PHF2: variants seen among roughly 807,000 people sequenced by gnomAD.
The protein encoded by PHF2 is PHD finger protein 2, also known as lysine-specific demethylase PHF2.
A neutral mutation model predicts 120.5 loss-of-function variants in PHF2; 27 were observed. The ratio of observed to expected loss-of-function variants is 0.22; its 90% confidence interval spans 0.17 to 0.31. The LOEUF is 0.31. Among genes scored for constraint, PHF2 ranks in the 10% least tolerant of loss-of-function variants. The probability of loss-of-function intolerance (pLI) is 1.00; values close to 1 mark genes in which losing one functional copy is unlikely to be tolerated. For synonymous variants in PHF2, 568 were observed against 592.5 expected (o/e 0.96, Z 0.60); for missense variants, 1,024 against 1,434.8 (o/e 0.71, Z 4.63).
chr9:93,666,147 C>G (rs1826676511), intron 16 of PHF2, 87 bp downstream of exon 16: 2 of 1,395,976 alleles, frequency 1.4e-6, no homozygotes, highest in Non-Finnish European at 2.0e-6. Context: ...CCAGGGCGGT[C>G]TCTGGGGGTG....
At chr9:93,592,611 T>C (rs1415701293) in intron 1 of PHF2, among the ~76,000 whole-genome samples, 4 of 152,176 alleles carry the variant, frequency 2.6e-5, no homozygotes, top group Non-Finnish European at 5.9e-5. Flanking sequence ...CAGAGGCTCT[T>C]TCCCGAGCCA....
rs187969374 is a variant in PHF2 at position 93,669,951 on chromosome 9, C to G, written c.2348+2711C>G. On this transcript the variant is annotated intron_variant, in intron 17 of 21. Coordinates refer to ENST00000359246, the MANE Select transcript of PHF2 (RefSeq NM_005392.4). ...GTGGCCCGCCTGCCACTGTATTGGCCTCTTCCTTCTTGTCTCACATGTGTG... is the reference window on the plus strand; with the variant it reads ...GTGGCCCGCCTGCCACTGTATTGGCGTCTTCCTTCTTGTCTCACATGTGTG... 1.2e-4 allele frequency among the ~76,000 whole-genome samples: 18 copies of G among 152,342 alleles called. No homozygotes were observed. In the East Asian group the frequency reaches 2.5e-3, roughly 21 times the overall value.
intron 5 of PHF2, among the ~76,000 whole-genome samples, chr9:93,652,705 T>C (rs1237467872): frequency 2.0e-5 from 3 of 152,192 alleles, no homozygotes; most frequent in Admixed American, 2.0e-4. Flanking sequence ...TTGGCTGGAT[T>C]TGACAGTGAC....
intron 1 of PHF2, among the ~76,000 whole-genome samples, chr9:93,605,358 C>T (rs755147499): frequency 1.3e-5 from 2 of 152,224 alleles, no homozygotes; most frequent in South Asian, 2.1e-4. Context: ...GCTGGGATTA[C>T]AGGCGTGAGC....
intron 1 of PHF2, among the ~76,000 whole-genome samples, chr9:93,602,476 C>T (rs1825460544): frequency 6.6e-6 from 1 of 152,030 alleles, no homozygotes; most frequent in African/African-American, 2.4e-5. Flanking sequence ...TGGTCTCGAA[C>T]TCCTGAGCTC....
At chr9:93,593,621 A>G (rs762795834) in intron 1 of PHF2, among the ~76,000 whole-genome samples, 20 of 152,224 alleles carry the variant, frequency 1.3e-4, no homozygotes, top group Non-Finnish European at 2.5e-4. Flanking sequence ...AATATTTTAG[A>G]TATTTATTTA....
Position 93,645,768 on chromosome 9 carries a change from A to G in PHF2, c.439A>G (p.Ser147Gly). 6.2e-7 allele frequency: 1 copy of G among 1,601,940 alleles called. No homozygotes were observed. Among genetic ancestry groups the G allele is most frequent in the Non-Finnish European group, 8.5e-7 (1 of 1,174,088 alleles). Residue 147 changes from serine to glycine, a missense_variant, in exon 4 of 22, where the codon AGT becomes GGT. By Grantham distance (56) the Ser-to-Gly change is moderately conservative. This residue lies in a region of PHF2 where 347 missense variants were observed against 577.4 expected (regional missense o/e 0.60). Coordinates refer to ENST00000359246, the MANE Select transcript of PHF2 (RefSeq NM_005392.4). ...LAVPAPTFYVSDVENYVGPER... is the reference protein window; with the variant it reads ...LAVPAPTFYVGDVENYVGPER... Reference sequence around the variant, plus strand: ...TGTCCCGGCCCCCACGTTCTATGTCAGTGACGTCGAGAACTACGTGGGTAA... The same window carrying G: ...TGTCCCGGCCCCCACGTTCTATGTCGGTGACGTCGAGAACTACGTGGGTAA...
chr9:93,621,061 G>A (rs1409414004), intron 1 of PHF2, among the ~76,000 whole-genome samples: 1 of 152,270 alleles, frequency 6.6e-6, no homozygotes, highest in East Asian at 1.9e-4. Context: ...CACCTGCCAA[G>A]TGGCCACTGT....
intron 1 of PHF2, among the ~76,000 whole-genome samples, chr9:93,605,257 G>T (rs1825519478): frequency 1.3e-5 from 2 of 152,006 alleles, no homozygotes; most frequent in African/African-American, 4.8e-5. Flanking sequence ...TTGCTCTGTT[G>T]CCCTGGCTGG....
intron 1 of PHF2, among the ~76,000 whole-genome samples, chr9:93,580,652 G>A (rs958264209): frequency 1.3e-4 from 20 of 152,338 alleles, no homozygotes; most frequent in Admixed American, 7.2e-4. Flanking sequence ...CTATTGGACT[G>A]GAAGGGTTTT....
intron 1 of PHF2, among the ~76,000 whole-genome samples, chr9:93,615,438 C>CT (rs1238955609): frequency 6.6e-6 from 1 of 152,130 alleles, no homozygotes; most frequent in Non-Finnish European, 1.5e-5. Context: ...AAGCAGTAAA[C>CT]TATCTTTACA....
chr9:93,666,552 G>A (rs1297865494), intron 16 of PHF2, among the ~76,000 whole-genome samples: 3 of 152,240 alleles, frequency 2.0e-5, no homozygotes, highest in African/African-American at 7.2e-5. Context: ...CTGTGTGTCC[G>A]TGTGTTGGCC....
intron 1 of PHF2, among the ~76,000 whole-genome samples, chr9:93,627,760 G>A (rs566352121): frequency 7.9e-5 from 12 of 152,232 alleles, no homozygotes; most frequent in Admixed American, 5.2e-4. Context: ...AGATGGTCAC[G>A]TAGGATTTTT....
chr9:93,659,674 G>A (rs2117983736), intron 11 of PHF2, 74 bp downstream of exon 11: 3 of 1,370,960 alleles, frequency 2.2e-6, no homozygotes, highest in Middle Eastern at 4.2e-4. Flanking sequence ...TCTGGGTCCA[G>A]GGGCCAGCCT....
chr9:93,577,455 G>C (rs1213096327), intron 1 of PHF2, among the ~76,000 whole-genome samples: 1 of 152,108 alleles, frequency 6.6e-6, no homozygotes, highest in East Asian at 2.0e-4. Context: ...GCCGTGGCCG[G>C]CGAGCTCCCT....
chr9:93,636,600 T>C, intron 3 of PHF2, 75 bp downstream of exon 3: 1 of 1,084,778 alleles, frequency 9.2e-7, no homozygotes, highest in South Asian at 1.4e-5. Flanking sequence ...TGTCCCGCTA[T>C]CCATTGCTGG....
intron 11 of PHF2, among the ~76,000 whole-genome samples, 198 bp downstream of exon 11, chr9:93,659,798 G>T (rs1281722806): frequency 6.6e-6 from 1 of 152,222 alleles, no homozygotes; most frequent in Non-Finnish European, 1.5e-5. Flanking sequence ...GGCTGGGTCT[G>T]TGTCCTGGTG....
intron 17 of PHF2, 101 bp downstream of exon 17, chr9:93,667,341 T>C: frequency 7.1e-7 from 1 of 1,417,044 alleles, no homozygotes; most frequent in Admixed American, 2.2e-5. Flanking sequence ...GACGCACAGC[T>C]GGAGCCAGTG....
Position 93,596,913 on chromosome 9 carries a change from C to A in PHF2, c.98+20042C>A, listed in dbSNP as rs1825343954. ...AGCTGGGACTACAGGCACGCGCCAG[C>A]ACGCCCAGCTAATTTTTTTTTTTTT... On this transcript the variant is annotated intron_variant, in intron 1 of 21. Transcript: ENST00000359246. 2.0e-5 allele frequency among the ~76,000 whole-genome samples: 3 copies of A among 148,852 alleles called. No homozygotes were observed. The Admixed American group carries it at 2.0e-4, about 10-fold the overall frequency.
Sources: allele counts gnomAD v4.1 joint callset (sites outside exome capture counted in the v4.1 genomes callset), GRCh38; gene constraint gnomAD v4.1.1; regional missense constraint gnomAD v4.1.1; transcripts MANE v1.5; gene names NCBI Gene and HGNC (gene_info 2026-07-23, HGNC 2026-07-21).